EMC2: variants seen among roughly 807,000 people sequenced by gnomAD.
EMC2 encodes the protein TPR repeat protein 35.
In EMC2, 37 loss-of-function variants were observed where a neutral mutation model predicts 51.6. That is an observed-to-expected ratio of 0.72 (90% CI 0.55 to 0.94). The LOEUF (loss-of-function observed/expected upper bound fraction) is 0.94, where lower values mean the gene tolerates loss of function less well. Ranked by LOEUF, EMC2 falls within the 40% of genes least tolerant of loss-of-function variation. The pLI is 0.00. For synonymous variants in EMC2, 131 were observed against 112.4 expected (o/e 1.17, Z -1.04); for missense variants, 359 against 350.9 (o/e 1.02, Z -0.18).
At position 108,470,264 on chromosome 8, in the gene EMC2, T is replaced by G. The variant is rs545443697; in HGVS notation, c.509+143T>G. The G allele has an allele frequency of 9.8e-6, 6 of 609,992 alleles. No individual in the cohort carries two copies. In the East Asian group the frequency reaches 1.7e-4, roughly 17 times the overall value. The allele number at this position is 609,992 out of a possible 1,614,324, so 37.8% of individuals were successfully genotyped here. On this transcript the variant is annotated intron_variant, in intron 7 of 10. Transcript: ENST00000220853. ...GAAACAGAACAAATCAACAATTAAA[T>G]GAAAAAGAACAAATCAGTAATTCAC...
At chr8:108,486,371 G>GA (rs1305045411) in intron 10 of EMC2, 141 bp from the exon 11 acceptor site, 1 of 1,240,680 alleles carries the variant, frequency 8.1e-7, no homozygotes, top group African/African-American at 1.6e-5. Flanking sequence ...TATTCTTATT[G>GA]AAAAAGCAAA....
intron 1 of EMC2, among the ~76,000 whole-genome samples, chr8:108,449,165 G>A (rs1294929031): frequency 6.6e-6 from 1 of 152,116 alleles, no homozygotes; most frequent in East Asian, 1.9e-4. Flanking sequence ...TCAGACTGGA[G>A]TGCAGTGGTG....
At chr8:108,459,925 G>T (rs1451594862) in intron 5 of EMC2, among the ~76,000 whole-genome samples, 1 of 152,076 alleles carries the variant, frequency 6.6e-6, no homozygotes, top group Admixed American at 6.6e-5. Flanking sequence ...CGTTAAAATT[G>T]GAAAGTTTTT....
Position 108,450,407 on chromosome 8 carries a change from TC to T in EMC2, c.155-16del. On this transcript the variant is annotated intron_variant, in intron 2 of 10. Coordinates refer to ENST00000220853, the MANE Select transcript of EMC2 (RefSeq NM_014673.5). ...GTTTTAATATTAAATTCAGTTTTTT[TC>T]CCCCTTTATGTGTATCTAGTTTGGA... The T allele has an allele frequency of 2.0e-6, 3 of 1,491,156 alleles. No individual in the cohort carries two copies. Among genetic ancestry groups the T allele is most frequent in the East Asian group, 2.3e-5 (1 of 44,172 alleles). The allele number at this position is 1,491,156 out of a possible 1,614,324, so 92.4% of individuals were successfully genotyped here.
At chr8:108,453,254 A>G (rs1027651124) in intron 4 of EMC2, 107 bp downstream of exon 4, 3 of 487,598 alleles carry the variant, frequency 6.2e-6, no homozygotes, top group African/African-American at 2.0e-5. Flanking sequence ...TACTGTCTCA[A>G]TATGGCTTTA....
At chr8:108,484,786 C>G (rs1293461759) in intron 10 of EMC2, among the ~76,000 whole-genome samples, 3 of 151,774 alleles carry the variant, frequency 2.0e-5, no homozygotes, top group Admixed American at 6.6e-5. Context: ...TCTGGTAAAT[C>G]CTTGTGTAAG....
intron 5 of EMC2, among the ~76,000 whole-genome samples, chr8:108,462,690 G>C (rs901533957): frequency 6.6e-6 from 1 of 151,612 alleles, no homozygotes; most frequent in African/African-American, 2.4e-5. Flanking sequence ...AGTTAAAAAT[G>C]TTATTTTGTT....
At chr8:108,483,545 AT>A (rs1367881770) in intron 10 of EMC2, among the ~76,000 whole-genome samples, 1 of 152,150 alleles carries the variant, frequency 6.6e-6, no homozygotes, top group African/African-American at 2.4e-5. Context: ...AGATTCATTC[AT>A]TTACAGTCCA....
At chr8:108,482,304 A>T (rs1270558471) in intron 10 of EMC2, among the ~76,000 whole-genome samples, 1 of 152,008 alleles carries the variant, frequency 6.6e-6, no homozygotes, top group Non-Finnish European at 1.5e-5. Flanking sequence ...TGCATGACTT[A>T]TTTCTTTAGT....
At chr8:108,486,039 A>G (rs1161120214) in intron 10 of EMC2, among the ~76,000 whole-genome samples, 1 of 151,874 alleles carries the variant, frequency 6.6e-6, no homozygotes, top group African/African-American at 2.4e-5. Context: ...ATAATTTTAG[A>G]GAGTACTTGC....
At chr8:108,462,982 TAAAG>T (rs998982150) in intron 5 of EMC2, among the ~76,000 whole-genome samples, 12 of 152,346 alleles carry the variant, frequency 7.9e-5, no homozygotes, top group African/African-American at 2.6e-4. Context: ...TCTCATCTGA[TAAAG>T]AGAGGGCAAG....
intron 8 of EMC2, among the ~76,000 whole-genome samples, 182 bp downstream of exon 8, chr8:108,476,145 A>G (rs1810942585): frequency 1.3e-5 from 2 of 151,872 alleles, no homozygotes; most frequent in South Asian, 4.1e-4. Context: ...TACTGACTTA[A>G]GACATACTTA....
intron 3 of EMC2, among the ~76,000 whole-genome samples, chr8:108,451,851 C>G (rs1819031854): frequency 6.6e-6 from 1 of 151,994 alleles, no homozygotes; most frequent in African/African-American, 2.4e-5. Context: ...CTTGACTGAC[C>G]AAGTAATATG....
At chr8:108,452,401 T>C (rs1819049498) in intron 3 of EMC2, among the ~76,000 whole-genome samples, 1 of 152,082 alleles carries the variant, frequency 6.6e-6, no homozygotes, top group Non-Finnish European at 1.5e-5. Context: ...ACCCCGTCTC[T>C]ACTAAAAATA....
At chr8:108,458,799 T>A (rs1819232012) in intron 5 of EMC2, among the ~76,000 whole-genome samples, 1 of 152,192 alleles carries the variant, frequency 6.6e-6, no homozygotes, top group Non-Finnish European at 1.5e-5. Flanking sequence ...AACATTCAGC[T>A]CCTTGTTACT....
At chr8:108,462,207 T>C (rs986216541) in intron 5 of EMC2, among the ~76,000 whole-genome samples, 4 of 140,692 alleles carry the variant, frequency 2.8e-5, no homozygotes, top group Admixed American at 2.2e-4. Context: ...TGCATGTGTG[T>C]GTGTTTTGTG....
At chr8:108,473,554 T>C (rs1206060553) in intron 7 of EMC2, among the ~76,000 whole-genome samples, 2 of 152,104 alleles carry the variant, frequency 1.3e-5, no homozygotes, top group Non-Finnish European at 2.9e-5. Context: ...ACAAATTTTT[T>C]TACTTCATTT....
chr8:108,458,285 C>G (rs914533075), intron 5 of EMC2, among the ~76,000 whole-genome samples: 2 of 152,204 alleles, frequency 1.3e-5, no homozygotes, highest in African/African-American at 2.4e-5. Context: ...TTCTACCATT[C>G]TGGGGTCTGG....
intron 5 of EMC2, among the ~76,000 whole-genome samples, chr8:108,457,279 T>A (rs1459014162): frequency 1.3e-5 from 2 of 152,052 alleles, no homozygotes; most frequent in Non-Finnish European, 2.9e-5. Context: ...GGTTTTTGTT[T>A]TTCTTTTTGA....
Sources: allele counts gnomAD v4.1 joint callset (sites outside exome capture counted in the v4.1 genomes callset), GRCh38; gene constraint gnomAD v4.1.1; transcripts MANE v1.5; gene names NCBI Gene and HGNC (gene_info 2026-07-23, HGNC 2026-07-21).